The following MYT1L variants were observed in gnomAD, a reference collection of about 807,000 sequenced individuals.
The protein encoded by MYT1L is myelin transcription factor 1 like.
A neutral mutation model predicts 126.7 loss-of-function variants in MYT1L; 12 were observed. That is an observed-to-expected ratio of 0.09 (90% CI 0.06 to 0.15). The LOEUF is 0.15. Among genes scored for constraint, MYT1L ranks in the 10% least tolerant of loss-of-function variants. The probability of loss-of-function intolerance (pLI) is 1.00; values close to 1 mark genes in which losing one functional copy is unlikely to be tolerated. For synonymous variants in MYT1L, 541 were observed against 604.2 expected, an observed-to-expected ratio of 0.90 and a Z score of 1.53; for missense variants, 979 against 1,585.2, an observed-to-expected ratio of 0.62 and a Z score of 6.49.
intron 3 of MYT1L, among the ~76,000 whole-genome samples, chr2:2,121,041 G>C (rs1020715479): frequency 6.6e-6 from 1 of 152,202 alleles, no homozygotes; most frequent in Non-Finnish European, 1.5e-5. Flanking sequence ...ACCCTTGCTC[G>C]GCGGAAGTCA....
chr2:2,148,235 T>C (rs2085193016), intron 3 of MYT1L, among the ~76,000 whole-genome samples: 1 of 152,212 alleles, frequency 6.6e-6, no homozygotes, highest in Non-Finnish European at 1.5e-5. Context: ...GACCAGTTTC[T>C]TGGAAGATCA....
intron 8 of MYT1L, among the ~76,000 whole-genome samples, chr2:1,946,937 T>C (rs1000509335): frequency 3.3e-5 from 5 of 152,172 alleles, no homozygotes; most frequent in Non-Finnish European, 4.4e-5. Context: ...AGTTAGCAGA[T>C]AATAGATGCA....
intron 1 of MYT1L, among the ~76,000 whole-genome samples, chr2:2,327,929 A>G (rs559340479): frequency 2.0e-5 from 3 of 152,324 alleles, no homozygotes; most frequent in East Asian, 3.9e-4. Flanking sequence ...CAGATTGTAT[A>G]TTATGTATTT....
At chr2:2,304,099 A>G (rs1371166624) in intron 1 of MYT1L, 1 of 152,244 alleles carries the variant, frequency 6.6e-6, no homozygotes, top group Non-Finnish European at 1.5e-5. Context: ...GTGAGACGCT[A>G]TAGCTGTACA....
At chr2:2,250,058 T>G (rs1308036854) in intron 2 of MYT1L, among the ~76,000 whole-genome samples, 1 of 152,134 alleles carries the variant, frequency 6.6e-6, no homozygotes, top group Admixed American at 6.5e-5. Context: ...AGGGAACCCT[T>G]ATATACTCTT....
intron 2 of MYT1L, among the ~76,000 whole-genome samples, chr2:2,197,230 G>C (rs2092838495): frequency 6.6e-6 from 1 of 152,082 alleles, no homozygotes; most frequent in African/African-American, 2.4e-5. Context: ...AAAAGAAAGT[G>C]ATTTACCACA....
intron 3 of MYT1L, among the ~76,000 whole-genome samples, chr2:2,163,170 G>T (rs12474442): frequency 6.6e-6 from 1 of 151,942 alleles, no homozygotes; most frequent in African/African-American, 2.4e-5. Flanking sequence ...TTTAAAGAAC[G>T]GTTCTGGGAC....
chr2:2,073,109 C>A (rs1309071018), intron 3 of MYT1L, among the ~76,000 whole-genome samples: 4 of 152,162 alleles, frequency 2.6e-5, no homozygotes, highest in African/African-American at 7.2e-5. Context: ...ATGCCTTAAT[C>A]ATTTCAAAGG....
chr2:2,212,194 C>T (rs1443174368), intron 2 of MYT1L, among the ~76,000 whole-genome samples: 1 of 150,632 alleles, frequency 6.6e-6, no homozygotes, highest in Non-Finnish European at 1.5e-5. Context: ...TTTCTTATAA[C>T]CTGATACCTT....
rs576569684 is a variant in MYT1L at position 2,127,347 on chromosome 2, G to A, written c.-304+45525C>T. Among the ~76,000 whole-genome samples the A allele has an allele frequency of 1.2e-3, 176 of 152,254 alleles. 1 individual carries two copies. Among genetic ancestry groups the A allele is most frequent in the African/African-American group, 3.9e-3 (162 of 41,540 alleles). On this transcript the variant is annotated intron_variant, in intron 3 of 24. Transcript: ENST00000647738. ...TCACAACTAGCCAAAGAGCCTCCTC[G>A]GTAAAGACAACACTTTTTATTTAAA...
Position 2,047,915 on chromosome 2 carries a change from G to GA in MYT1L, c.-158+6062_-158+6063insT, listed in dbSNP as rs2068381608. 3.9e-5 allele frequency among the ~76,000 whole-genome samples: 6 copies of GA among 152,304 alleles called. 1 individual carries two copies. Among genetic ancestry groups the GA allele is most frequent in the African/African-American group, 1.4e-4 (6 of 41,566 alleles). On this transcript the variant is annotated intron_variant, in intron 4 of 24. Transcript: ENST00000647738. ...ACCACAGTACCATTTCCCAGCAAAG[G>GA]CTGCAGAACACAAATTTCTTTCCAG...
chr2:2,177,161 TG>T (rs1056914941), intron 2 of MYT1L, among the ~76,000 whole-genome samples: 1 of 152,212 alleles, frequency 6.6e-6, no homozygotes, highest in Non-Finnish European at 1.5e-5. Flanking sequence ...TGGATGTAAA[TG>T]GAACAACCTT....
chr2:2,120,259 G>T (rs752502311), intron 3 of MYT1L, among the ~76,000 whole-genome samples: 1 of 152,102 alleles, frequency 6.6e-6, no homozygotes, highest in Non-Finnish European at 1.5e-5. Flanking sequence ...CGCTGCCCTT[G>T]CAAGCTCAGC....
intron 2 of MYT1L, among the ~76,000 whole-genome samples, chr2:2,196,897 T>C (rs939065024): frequency 1.3e-5 from 2 of 152,072 alleles, no homozygotes; most frequent in Non-Finnish European, 2.9e-5. Context: ...GGACCATCAA[T>C]AGTCAAAGAT....
chr2:2,183,148 G>A (rs2091718609), intron 2 of MYT1L, among the ~76,000 whole-genome samples: 1 of 152,198 alleles, frequency 6.6e-6, no homozygotes. Flanking sequence ...GTGTTTGGAT[G>A]GTAAGTCCTG....
At chr2:2,184,510 T>C (rs1396126410) in intron 2 of MYT1L, among the ~76,000 whole-genome samples, 2 of 152,228 alleles carry the variant, frequency 1.3e-5, no homozygotes, top group Non-Finnish European at 2.9e-5. Flanking sequence ...CAAAGTAGCA[T>C]GCTTTTAAAA....
At chr2:1,856,094 A>C (rs1558770329) in intron 18 of MYT1L, among the ~76,000 whole-genome samples, 1 of 152,218 alleles carries the variant, frequency 6.6e-6, no homozygotes, top group African/African-American at 2.4e-5. Flanking sequence ...AAAACAAAAC[A>C]AAACCACCCA....
chr2:1,902,949 G>T, intron 14 of MYT1L, 131 bp downstream of exon 14: 1 of 825,144 alleles, frequency 1.2e-6, no homozygotes, highest in Non-Finnish European at 2.0e-6. Flanking sequence ...GCTGTGCTAT[G>T]AAAGTCCTGT....
At chr2:1,977,694 T>C (rs1248303184) in intron 8 of MYT1L, among the ~76,000 whole-genome samples, 1 of 152,190 alleles carries the variant, frequency 6.6e-6, no homozygotes, top group Non-Finnish European at 1.5e-5. Context: ...ATAAACATTT[T>C]AAGAAACTTT....
Sources: allele counts gnomAD v4.1 joint callset (sites outside exome capture counted in the v4.1 genomes callset), GRCh38; gene constraint gnomAD v4.1.1; transcripts MANE v1.5; gene names NCBI Gene and HGNC (gene_info 2026-07-23, HGNC 2026-07-21).